CACNA1C: variants seen among roughly 807,000 people sequenced by gnomAD.
CACNA1C encodes voltage-dependent L-type calcium channel subunit alpha-1C.
A neutral mutation model predicts 229.0 loss-of-function variants in CACNA1C; 30 were observed. The observed-to-expected ratio is 0.13, with a 90% CI of 0.10 to 0.18. The LOEUF is 0.18. Among genes scored for constraint, CACNA1C ranks in the 10% least tolerant of loss-of-function variants. CACNA1C has a pLI of 1.00. For synonymous variants in CACNA1C, 1,114 were observed against 1,132.5 expected, an observed-to-expected ratio of 0.98 and a Z score of 0.33; for missense variants, 1,658 against 2,845.0, an observed-to-expected ratio of 0.58 and a Z score of 9.49.
intron 3 of CACNA1C, among the ~76,000 whole-genome samples, chr12:2,157,779 C>T (rs547651857): frequency 6.6e-6 from 1 of 152,074 alleles, no homozygotes; most frequent in Non-Finnish European, 1.5e-5. Flanking sequence ...AAAATAGAAA[C>T]CAAAGCTAAC....
At chr12:2,177,700 G>A (rs2096712453) in intron 3 of CACNA1C, among the ~76,000 whole-genome samples, 2 of 151,070 alleles carry the variant, frequency 1.3e-5, no homozygotes, top group South Asian at 4.2e-4. Flanking sequence ...GCAGTGGCAC[G>A]ATCTTGGCTC....
Position 2,608,523 on chromosome 12 carries a change from C to A in CACNA1C, c.3369C>A (p.Arg1123=). 1 of 1,610,346 alleles carries A rather than the reference C, an allele frequency of 6.2e-7. No homozygotes were observed. Among genetic ancestry groups the A allele is most frequent in the Non-Finnish European group, 8.5e-7 (1 of 1,178,084 alleles). The change falls in exon 27 of 47, where the codon CGC becomes CGA. Residue 1123 remains arginine (R), a synonymous_variant. Transcript: ENST00000399655. This position sits in a 1 kb window ranked among gnomAD's most constrained non-coding sequence, Gnocchi z 4.2. ...TFEGWPELLY[R]SIDSHTEDKG... is the part of the protein sequence containing the mutation. ...TCTCCTCCTGCAGGCTGCTGTACCG[C>A]TCCATCGACTCCCACACGGAAGACA...
At chr12:2,253,348 T>C (rs1439002045) in intron 3 of CACNA1C, among the ~76,000 whole-genome samples, 2 of 152,248 alleles carry the variant, frequency 1.3e-5, no homozygotes, top group African/African-American at 2.4e-5. Flanking sequence ...GTGTGTCCTA[T>C]ATCTTACTTC....
chr12:2,323,748 A>G (rs1329393158), intron 3 of CACNA1C, among the ~76,000 whole-genome samples: 1 of 152,016 alleles, frequency 6.6e-6, no homozygotes, highest in Non-Finnish European at 1.5e-5. Context: ...ATTTGGGGAA[A>G]TGGTGCATTA....
chr12:2,073,117 C>T (rs2061959748), intron 1 of CACNA1C, among the ~76,000 whole-genome samples: 1 of 152,164 alleles, frequency 6.6e-6, no homozygotes, highest in African/African-American at 2.4e-5. Flanking sequence ...AATCTTTCAG[C>T]TCTCAAAGTC....
At chr12:2,668,904 T>C (rs1603435038) in intron 37 of CACNA1C, 29 bp from the exon 38 acceptor site, 1 of 1,521,998 alleles carries the variant, frequency 6.6e-7, no homozygotes, top group Non-Finnish European at 9.1e-7. Context: ...CCTGCCATCA[T>C]CACCAGCTTT....
chr12:2,470,129 G>C (rs1184137509), intron 5 of CACNA1C, among the ~76,000 whole-genome samples: 1 of 152,174 alleles, frequency 6.6e-6, no homozygotes, highest in Non-Finnish European at 1.5e-5. Context: ...TCCCAATATA[G>C]TAAGCAATCA....
In CACNA1C at chr12:2,183,724, C is replaced by G. The variant is rs111935341; in HGVS notation, c.477+63294C>G. Reference sequence around the variant, plus strand: ...CCCAGGGCCAGCCCTGCTCTGCCCTCGTCTCTTGCCTTCCCGCCAGGTGGG... The same window carrying G: ...CCCAGGGCCAGCCCTGCTCTGCCCTGGTCTCTTGCCTTCCCGCCAGGTGGG... On this transcript the variant is annotated intron_variant, in intron 3 of 46. Transcript: ENST00000399655. Among the ~76,000 whole-genome samples the G allele has an allele frequency of 1.9e-4, 29 of 152,314 alleles. 1 individual carries two copies. Among genetic ancestry groups the G allele is most frequent in the African/African-American group, 5.8e-4 (24 of 41,566 alleles).
At chr12:2,252,294 C>T (rs758170) in intron 3 of CACNA1C, among the ~76,000 whole-genome samples, 49,983 of 151,932 alleles carry the variant, frequency 0.33, 8,702 homozygotes, top group African/African-American at 0.39. Context: ...GTAAATAGTC[C>T]GCCTGAAAAA....
chr12:2,309,751 G>C (rs777210213), intron 3 of CACNA1C, among the ~76,000 whole-genome samples: 13 of 152,248 alleles, frequency 8.5e-5, no homozygotes, highest in Non-Finnish European at 1.6e-4. Flanking sequence ...TGTGAGTACT[G>C]TACTGCATAT....
At chr12:2,475,305 A>AAAAAG (rs566882625) in intron 5 of CACNA1C, among the ~76,000 whole-genome samples, 15 of 152,246 alleles carry the variant, frequency 9.9e-5, no homozygotes, top group Admixed American at 8.5e-4. Context: ...TCTCAAAAAA[A>AAAAAG]AAAAGAAAAG....
At chr12:2,292,344 G>A (rs887282436) in intron 3 of CACNA1C, among the ~76,000 whole-genome samples, 1 of 152,210 alleles carries the variant, frequency 6.6e-6, no homozygotes, top group African/African-American at 2.4e-5. Flanking sequence ...GACCTCCAAG[G>A]TGAAGGTTCA....
intron 9 of CACNA1C, among the ~76,000 whole-genome samples, chr12:2,519,899 G>A (rs960901317): frequency 1.3e-5 from 2 of 152,226 alleles, no homozygotes; most frequent in Non-Finnish European, 2.9e-5. Context: ...ATCTGGCCCC[G>A]TAAGTGTACA....
chr12:2,178,088 G>A (rs2096722766), intron 3 of CACNA1C, among the ~76,000 whole-genome samples: 1 of 152,218 alleles, frequency 6.6e-6, no homozygotes, highest in South Asian at 2.1e-4. Flanking sequence ...GAAAAGGAAG[G>A]ACACAGTGAA....
chr12:2,445,703 T>C (rs953125915), intron 3 of CACNA1C, among the ~76,000 whole-genome samples: 3 of 152,038 alleles, frequency 2.0e-5, no homozygotes, highest in Non-Finnish European at 4.4e-5. Context: ...GCTCTCTCTT[T>C]TTATAGGGCA....
At chr12:2,407,956 C>G (rs1367441473) in intron 3 of CACNA1C, among the ~76,000 whole-genome samples, 1 of 152,150 alleles carries the variant, frequency 6.6e-6, no homozygotes, top group Non-Finnish European at 1.5e-5. Flanking sequence ...GCGGCTTCAC[C>G]CACTCTTCCC....
chr12:2,114,169 C>T (rs961820724), intron 1 of CACNA1C, among the ~76,000 whole-genome samples: 1 of 152,248 alleles, frequency 6.6e-6, no homozygotes, highest in African/African-American at 2.4e-5. Flanking sequence ...TGGGGCAGTC[C>T]TGACTTGGGG....
At chr12:2,106,644 C>A (rs1324497648) in intron 1 of CACNA1C, among the ~76,000 whole-genome samples, 9 of 74,764 alleles carry the variant, frequency 1.2e-4, no homozygotes, top group Admixed American at 3.8e-4. Context: ...TGGGCGCCCA[C>A]CCCGGGGAGG....
At chr12:2,176,979 G>A (rs942680228) in intron 3 of CACNA1C, among the ~76,000 whole-genome samples, 5 of 152,252 alleles carry the variant, frequency 3.3e-5, no homozygotes, top group South Asian at 2.1e-4. Context: ...ATCAGTCTAC[G>A]GAGGGTGACC....
Sources: allele counts gnomAD v4.1 joint callset (sites outside exome capture counted in the v4.1 genomes callset), GRCh38; gene constraint gnomAD v4.1.1; non-coding constraint Gnocchi (gnomAD v3.1); transcripts MANE v1.5; gene names NCBI Gene and HGNC (gene_info 2026-07-23, HGNC 2026-07-21).